ANXA10: variants seen among roughly 807,000 people sequenced by gnomAD.
The protein encoded by ANXA10 is annexin 14.
A neutral mutation model predicts 53.5 loss-of-function variants in ANXA10; 49 were observed. The observed-to-expected ratio is 0.92, with a 90% CI of 0.73 to 1.16. The LOEUF (loss-of-function observed/expected upper bound fraction) is 1.16, where lower values mean the gene tolerates loss of function less well. Ranked by LOEUF, ANXA10 falls within the 50% of genes most tolerant of loss-of-function variation. ANXA10 has a pLI of 0.00. For synonymous variants in ANXA10, 131 were observed against 128.9 expected (o/e 1.02, Z -0.11); for missense variants, 393 against 394.4 (o/e 1.00, Z 0.03).
At chr4:168,146,883 T>C (rs1731415158) in intron 3 of ANXA10, among the ~76,000 whole-genome samples, 1 of 152,248 alleles carries the variant, frequency 6.6e-6, no homozygotes, top group South Asian at 2.1e-4. Flanking sequence ...TTCAGAGCTA[T>C]AATAGCCTTG....
chr4:168,109,095 T>G (rs1338384570), intron 1 of ANXA10, among the ~76,000 whole-genome samples: 1 of 152,232 alleles, frequency 6.6e-6, no homozygotes, highest in East Asian at 1.9e-4. Context: ...AACTGAATTA[T>G]AAAGGGACCA....
intron 6 of ANXA10, among the ~76,000 whole-genome samples, chr4:168,171,931 T>G (rs1731998276): frequency 6.6e-6 from 1 of 152,306 alleles, no homozygotes; most frequent in South Asian, 2.1e-4. Flanking sequence ...CTTTCAGAAT[T>G]CTCTTATGAC....
chr4:168,171,012 T>C (rs920927639), intron 6 of ANXA10, among the ~76,000 whole-genome samples: 1 of 152,176 alleles, frequency 6.6e-6, no homozygotes, highest in East Asian at 1.9e-4. Flanking sequence ...TTCTCACTTC[T>C]ACATTAATGG....
At chr4:168,176,588 G>A (rs1415012985) in intron 6 of ANXA10, among the ~76,000 whole-genome samples, 1 of 152,086 alleles carries the variant, frequency 6.6e-6, no homozygotes, top group African/African-American at 2.4e-5. Context: ...AAGAAATTTG[G>A]GATCCCATTC....
At chr4:168,152,438 T>C (rs940387770) in intron 3 of ANXA10, among the ~76,000 whole-genome samples, 2 of 152,110 alleles carry the variant, frequency 1.3e-5, no homozygotes, top group African/African-American at 4.8e-5. Context: ...CAAGAAGATA[T>C]TATGTATCTT....
At position 168,092,565 on chromosome 4, in the gene ANXA10, C is replaced by A; in HGVS notation, c.-136C>A. The A allele has an allele frequency of 1.2e-6, 1 of 830,282 alleles. No homozygotes were observed. The highest frequency in any genetic ancestry group is 1.9e-6 in the Non-Finnish European group (1 of 531,520). 51.4% of individuals were successfully genotyped at this position (830,282 alleles called of 1,614,324 possible). ...CAGATTTGCTTTTACATTTTCTTGCCTGAGTCTGAGGTGAACAGTGAACAT... is the reference window on the plus strand; with the variant it reads ...CAGATTTGCTTTTACATTTTCTTGCATGAGTCTGAGGTGAACAGTGAACAT... On this transcript the variant is annotated 5_prime_UTR_variant, in exon 1 of 12. In the 5' UTR this introduces an upstream ATG that the reference lacks. Transcript: ENST00000359299.
At chr4:168,103,737 G>A (rs1730676601) in intron 1 of ANXA10, among the ~76,000 whole-genome samples, 1 of 151,762 alleles carries the variant, frequency 6.6e-6, no homozygotes, top group Non-Finnish European at 1.5e-5. Flanking sequence ...TGAAAATGTA[G>A]GCCAATTTAA....
rs1248655947 is a variant in ANXA10 at position 168,151,912 on chromosome 4, A to AG, written c.196-10616_196-10615insG. Among the ~76,000 whole-genome samples the AG allele has an allele frequency of 2.0e-5, 3 of 152,216 alleles. No individual in the cohort carries two copies. The South Asian group carries it at 6.2e-4, about 32-fold the overall frequency. On this transcript the variant is annotated intron_variant, in intron 3 of 11. Coordinates refer to ENST00000359299, the MANE Select transcript of ANXA10 (RefSeq NM_007193.5). ...TAAGGACCTTCACTTATTTATGTTC[A>AG]AATTGCCAAGAATGACTCCAAACAA...
chr4:168,096,087 TC>T (rs1387644822), intron 1 of ANXA10, among the ~76,000 whole-genome samples: 5 of 152,118 alleles, frequency 3.3e-5, no homozygotes, highest in Admixed American at 3.3e-4. Context: ...GGAAAAGCAC[TC>T]CATAAATCAG....
chr4:168,158,964 T>C (rs1731736248), intron 3 of ANXA10, among the ~76,000 whole-genome samples: 1 of 152,136 alleles, frequency 6.6e-6, no homozygotes, highest in African/African-American at 2.4e-5. Context: ...CTCCAGCTCT[T>C]GCTCCCCCTT....
At chr4:168,186,592 C>A (rs1297345375) in intron 11 of ANXA10, among the ~76,000 whole-genome samples, 1 of 152,136 alleles carries the variant, frequency 6.6e-6, no homozygotes, top group Admixed American at 6.6e-5. Context: ...CAGCAGGCAC[C>A]ACATCTGCTT....
intron 3 of ANXA10, among the ~76,000 whole-genome samples, chr4:168,142,742 C>A (rs977270178): frequency 2.6e-5 from 4 of 152,184 alleles, no homozygotes; most frequent in African/African-American, 7.2e-5. Flanking sequence ...GTGCATCTAA[C>A]TACAACTCCT....
rs1470268533 is a variant in ANXA10 at position 168,132,376 on chromosome 4, A to C, written c.100+4211A>C. Among the ~76,000 whole-genome samples, 4 of 152,136 alleles carry C rather than the reference A, an allele frequency of 2.6e-5. No homozygotes were observed. In the East Asian group the frequency reaches 7.7e-4, roughly 29 times the overall value. On this transcript the variant is annotated intron_variant, in intron 2 of 11. Transcript: ENST00000359299. ...TTAAGTGAAATAAGCCAGGCACAGAAAGACAAACATTGCATGTTCTCACTT... is the reference window on the plus strand; with the variant it reads ...TTAAGTGAAATAAGCCAGGCACAGACAGACAAACATTGCATGTTCTCACTT...
chr4:168,115,497 G>GCACACA lies in ANXA10; in HGVS notation c.19-12551_19-12546dup, dbSNP rs67627035. Among the ~76,000 whole-genome samples the GCACACA allele has an allele frequency of 4.4e-3, 598 of 136,512 alleles. 3 individuals are homozygous for GCACACA. Among genetic ancestry groups the GCACACA allele is most frequent in the South Asian group, 5.1e-3 (20 of 3,916 alleles). The allele number at this position is 136,512 out of a possible 152,430, so 89.6% of individuals were successfully genotyped here. A position where few individuals can be genotyped will look rare whatever the true frequency, so the allele number is the denominator to read the frequency against. ...TTCCATCCCTCCCTACAATACACAC[G>GCACACA]CACACACACACACACACACACACAC... is the stretch of plus-strand genomic sequence containing the variant. On this transcript the variant is annotated intron_variant, in intron 1 of 11. Coordinates refer to ENST00000359299, the MANE Select transcript of ANXA10 (RefSeq NM_007193.5).
At chr4:168,145,400 G>A (rs1482910832) in intron 3 of ANXA10, among the ~76,000 whole-genome samples, 2 of 152,170 alleles carry the variant, frequency 1.3e-5, no homozygotes, top group African/African-American at 4.8e-5. Context: ...AAGGGGATTT[G>A]TTTTAGAAAA....
At chr4:168,097,488 A>C (rs1181709648) in intron 1 of ANXA10, among the ~76,000 whole-genome samples, 1 of 152,014 alleles carries the variant, frequency 6.6e-6, no homozygotes, top group Admixed American at 6.6e-5. Context: ...CTCTTTTCTG[A>C]ATTTATGTCT....
rs531876777 is a variant in ANXA10 at position 168,104,444 on chromosome 4, G to GA, written c.18+11733dup. Among the ~76,000 whole-genome samples, 283 of 151,898 alleles carry GA rather than the reference G, an allele frequency of 1.9e-3. 1 individual carries two copies. In the Middle Eastern group the frequency reaches 0.02, roughly 11 times the overall value. On this transcript the variant is annotated intron_variant, in intron 1 of 11. Coordinates refer to ENST00000359299, the MANE Select transcript of ANXA10 (RefSeq NM_007193.5). The stretch of plus-strand genomic sequence containing the variant: ...AGAAAGTGTTCTCTTCTATTTTCTA[G>GA]AAAAAAATTTGGTAGAATTGATATT...
chr4:168,139,919 G>A (rs925690879), intron 3 of ANXA10, among the ~76,000 whole-genome samples: 3 of 152,130 alleles, frequency 2.0e-5, no homozygotes, highest in Non-Finnish European at 4.4e-5. Context: ...ACACCCCTGT[G>A]GCGAGCTTTA....
intron 3 of ANXA10, among the ~76,000 whole-genome samples, chr4:168,158,408 T>C (rs1209262810): frequency 6.6e-6 from 1 of 152,160 alleles, no homozygotes; most frequent in Non-Finnish European, 1.5e-5. Flanking sequence ...CTTACAAAAA[T>C]TTAAGGTTTT....
Sources: allele counts gnomAD v4.1 joint callset (sites outside exome capture counted in the v4.1 genomes callset), GRCh38; gene constraint gnomAD v4.1.1; transcripts MANE v1.5; gene names NCBI Gene and HGNC (gene_info 2026-07-23, HGNC 2026-07-21).